SNTG2: variants seen among roughly 807,000 people sequenced by gnomAD.
The protein encoded by SNTG2 is syntrophin gamma 2.
A neutral mutation model predicts 70.9 loss-of-function variants in SNTG2; 74 were observed. The observed-to-expected ratio is 1.04, with a 90% CI of 0.86 to 1.27. The LOEUF (loss-of-function observed/expected upper bound fraction) is 1.27, where lower values mean the gene tolerates loss of function less well. SNTG2 is among the 50% of genes most tolerant of loss of function. The pLI is 0.00. For missense variants in SNTG2, 717 were observed against 690.7 expected (o/e 1.04, Z -0.43); for synonymous variants, 278 against 273.8 (o/e 1.02, Z -0.15).
intron 1 of SNTG2, among the ~76,000 whole-genome samples, chr2:951,421 G>A (rs1024276383): frequency 6.6e-6 from 1 of 152,216 alleles, no homozygotes; most frequent in Non-Finnish European, 1.5e-5. Flanking sequence ...CTTCCCAGGA[G>A]CGGCTCTTTC....
chr2:1,222,572 G>C (rs1675376019), intron 9 of SNTG2, among the ~76,000 whole-genome samples: 1 of 27,512 alleles, frequency 3.6e-5, no homozygotes, highest in Non-Finnish European at 7.9e-5. Context: ...TGCAGTGATG[G>C]AGGGCGTCTC....
At chr2:973,539 TA>T (rs770993683) in intron 1 of SNTG2, among the ~76,000 whole-genome samples, 1 of 123,694 alleles carries the variant, frequency 8.1e-6, no homozygotes, top group African/African-American at 3.3e-5. Flanking sequence ...TATATATATA[TA>T]TTTTTTTTTA....
chr2:956,261 CCCCCTGCCCTG>C (rs1303946270), intron 1 of SNTG2, among the ~76,000 whole-genome samples: 1 of 129,250 alleles, frequency 7.7e-6, no homozygotes, highest in African/African-American at 3.1e-5. Flanking sequence ...CCCTGCGCCT[CCCCCTGCCCTG>C]CCCCTGCACC....
chr2:1,165,911 C>G (rs1321125768), intron 7 of SNTG2, among the ~76,000 whole-genome samples: 2 of 152,166 alleles, frequency 1.3e-5, no homozygotes, highest in Non-Finnish European at 2.9e-5. Context: ...TTCATGCAAA[C>G]TCACCATGAT....
intron 4 of SNTG2, among the ~76,000 whole-genome samples, chr2:1,101,837 G>A (rs898603964): frequency 7.2e-5 from 11 of 152,284 alleles, no homozygotes; most frequent in East Asian, 1.9e-4. Context: ...ATGAGAGGCC[G>A]GGACAGGTGG....
intron 14 of SNTG2, among the ~76,000 whole-genome samples, chr2:1,285,046 G>T (rs538862129): frequency 6.6e-6 from 1 of 151,988 alleles, no homozygotes; most frequent in Non-Finnish European, 1.5e-5. Context: ...TCCCCAAGCT[G>T]AGGAGCAAGG....
intron 8 of SNTG2, among the ~76,000 whole-genome samples, chr2:1,178,119 G>A (rs1400898115): frequency 1.3e-5 from 2 of 152,112 alleles, no homozygotes; most frequent in Non-Finnish European, 2.9e-5. Flanking sequence ...TGGTTTTCTG[G>A]ATGGTACTTT....
chr2:1,326,193 C>A (rs559352572), intron 16 of SNTG2, among the ~76,000 whole-genome samples: 1 of 152,186 alleles, frequency 6.6e-6, no homozygotes, highest in African/African-American at 2.4e-5. Flanking sequence ...TATAATATAT[C>A]CAAACAAATA....
Position 1,281,240 on chromosome 2 carries a change from T to TGTGTG in SNTG2, c.1284+13675_1284+13679dup, listed in dbSNP as rs1324094681. 2.4e-4 allele frequency among the ~76,000 whole-genome samples: 3 copies of TGTGTG among 12,596 alleles called. 1 individual carries two copies. The highest frequency in any genetic ancestry group is 1.6e-3 in the Admixed American group (2 of 1,250). The allele number at this position is 12,596 out of a possible 152,430, so 8.3% of individuals were successfully genotyped here. On this transcript the variant is annotated intron_variant, in intron 14 of 16. Coordinates refer to ENST00000308624, the MANE Select transcript of SNTG2 (RefSeq NM_018968.4). Reference sequence around the variant, plus strand: ...GTGTGTTTGTGTTTATGTGGTGTGGTGTGTGGTGTGTGTGTGGTGGTATGT... The same window carrying TGTGTG: ...GTGTGTTTGTGTTTATGTGGTGTGGTGTGTGGTGTGGTGTGTGTGTGGTGGTATGT...
chr2:1,208,013 C>A (rs2147988466), intron 8 of SNTG2, among the ~76,000 whole-genome samples: 1 of 152,338 alleles, frequency 6.6e-6, no homozygotes, highest in East Asian at 1.9e-4. Flanking sequence ...CCCTTCTGAG[C>A]CTCCAGAAAG....
chr2:1,054,323 G>C (rs1462203865), intron 1 of SNTG2, among the ~76,000 whole-genome samples: 2 of 152,002 alleles, frequency 1.3e-5, no homozygotes, highest in African/African-American at 2.4e-5. Context: ...CATCTTCACG[G>C]CACCAGGAGT....
chr2:966,772 C>G (rs987499229), intron 1 of SNTG2, among the ~76,000 whole-genome samples: 1 of 152,020 alleles, frequency 6.6e-6, no homozygotes, highest in South Asian at 2.1e-4. Context: ...TGGTGAAACC[C>G]CGTCTCTACT....
At chr2:1,295,281 G>C (rs1213015745) in intron 14 of SNTG2, among the ~76,000 whole-genome samples, 3 of 152,206 alleles carry the variant, frequency 2.0e-5, no homozygotes, top group African/African-American at 7.2e-5. Context: ...ATGGAGACAG[G>C]CTTGAGGATC....
At chr2:1,007,476 G>A (rs1572215080) in intron 1 of SNTG2, among the ~76,000 whole-genome samples, 1 of 152,160 alleles carries the variant, frequency 6.6e-6, no homozygotes, top group African/African-American at 2.4e-5. Flanking sequence ...AGTTTCCACA[G>A]TAAAAATGGC....
chr2:1,114,502 C>A (rs1277631170), intron 4 of SNTG2, among the ~76,000 whole-genome samples: 2 of 151,706 alleles, frequency 1.3e-5, no homozygotes, highest in African/African-American at 4.8e-5. Context: ...TGAGGAGAAT[C>A]ATGTGTACTA....
At chr2:1,205,855 C>T (rs60391462) in intron 8 of SNTG2, among the ~76,000 whole-genome samples, 4,889 of 152,186 alleles carry the variant, frequency 0.032, 254 homozygotes, top group African/African-American at 0.11. Flanking sequence ...TAGTAAATGC[C>T]GTGTGAGTTG....
At chr2:956,671 G>C (rs765126737) in intron 1 of SNTG2, among the ~76,000 whole-genome samples, 3 of 152,258 alleles carry the variant, frequency 2.0e-5, no homozygotes, top group Admixed American at 6.5e-5. Flanking sequence ...CTGTGAGCCC[G>C]TGGAGGGGCC....
intron 1 of SNTG2, among the ~76,000 whole-genome samples, chr2:968,009 A>T (rs1335609598): frequency 1.3e-5 from 2 of 151,874 alleles, no homozygotes; most frequent in African/African-American, 4.8e-5. Context: ...TGGGCAACAG[A>T]GCGAGACTCT....
chr2:1,318,143 A>G (rs1486207404), intron 16 of SNTG2, among the ~76,000 whole-genome samples: 4 of 152,248 alleles, frequency 2.6e-5, no homozygotes, highest in African/African-American at 4.8e-5. Context: ...ACCATATTTT[A>G]TGTATAAATG....
Sources: allele counts gnomAD v4.1 joint callset (sites outside exome capture counted in the v4.1 genomes callset), GRCh38; gene constraint gnomAD v4.1.1; transcripts MANE v1.5; gene names NCBI Gene and HGNC (gene_info 2026-07-23, HGNC 2026-07-21).